Variants in RETREG1 observed in about 807,000 individuals in gnomAD.
The protein encoded by RETREG1 is family with sequence similarity 134 member B.
RETREG1 carries 44 observed loss-of-function variants against 54.8 expected under a neutral mutation model. That is an observed-to-expected ratio of 0.80 (90% CI 0.63 to 1.03). The LOEUF is 1.03. Ranked by LOEUF, RETREG1 falls within the 50% of genes least tolerant of loss-of-function variation. RETREG1 has a pLI of 0.00. For synonymous variants in RETREG1, 217 were observed against 238.5 expected (o/e 0.91, Z 0.83); for missense variants, 554 against 605.1 (o/e 0.92, Z 0.89).
intron 3 of RETREG1, among the ~76,000 whole-genome samples, chr5:16,546,818 G>A (rs1741401760): frequency 6.6e-6 from 1 of 152,094 alleles, no homozygotes; most frequent in Non-Finnish European, 1.5e-5. Context: ...ATGGCCTGAT[G>A]AACCAATGAA....
chr5:16,481,129 A>G (rs1485214426), intron 4 of RETREG1, 36 bp from the exon 5 acceptor site: 1 of 1,439,604 alleles, frequency 6.9e-7, no homozygotes, highest in Admixed American at 1.7e-5. Context: ...ATAGTTAAGC[A>G]TAACACCAAG....
At chr5:16,560,957 G>T (rs947165570) in intron 3 of RETREG1, among the ~76,000 whole-genome samples, 1 of 152,030 alleles carries the variant, frequency 6.6e-6, no homozygotes, top group Non-Finnish European at 1.5e-5. Flanking sequence ...TATCCCTTTG[G>T]TGTAAAAAGA....
At chr5:16,496,604 A>G (rs1739468445) in intron 3 of RETREG1, among the ~76,000 whole-genome samples, 1 of 152,202 alleles carries the variant, frequency 6.6e-6, no homozygotes, top group South Asian at 2.1e-4. Context: ...CCCAGCTGAA[A>G]CTCAGAATTC....
chr5:16,524,864 G>A (rs13169278), intron 3 of RETREG1, among the ~76,000 whole-genome samples: 4,127 of 109,206 alleles, frequency 0.038, 301 homozygotes, highest in Middle Eastern at 0.054. Flanking sequence ...GGATGTGCGC[G>A]GGGGACACCG....
At chr5:16,483,226 A>G in intron 4 of RETREG1, 120 bp downstream of exon 4, 1 of 1,166,660 alleles carries the variant, frequency 8.6e-7, no homozygotes, top group Non-Finnish European at 1.3e-6. Context: ...TTTATGGCAT[A>G]TGTTCTTAGT....
At chr5:16,530,824 T>C (rs957735221) in intron 3 of RETREG1, among the ~76,000 whole-genome samples, 2 of 151,150 alleles carry the variant, frequency 1.3e-5, no homozygotes, top group Non-Finnish European at 2.9e-5. Flanking sequence ...AGTGGCCCAC[T>C]GCACTCCAGC....
intron 3 of RETREG1, among the ~76,000 whole-genome samples, chr5:16,548,606 A>G (rs913301780): frequency 1.3e-5 from 2 of 152,206 alleles, no homozygotes; most frequent in Non-Finnish European, 2.9e-5. Flanking sequence ...AAGTACAACA[A>G]ATGAGGGAGT....
chr5:16,557,022 G>A lies in RETREG1; in HGVS notation c.458+8741C>T, dbSNP rs527489453. On this transcript the variant is annotated intron_variant, in intron 3 of 8. Coordinates refer to ENST00000306320, the MANE Select transcript of RETREG1 (RefSeq NM_001034850.3). The stretch of plus-strand genomic sequence containing the variant: ...TTTTTGTGTTTTTAGTAGAGACAGG[G>A]TTTCACCATGTTGCCTAGGCTGGTC... 2.0e-5 allele frequency among the ~76,000 whole-genome samples: 3 copies of A among 152,270 alleles called. No individual in the cohort carries two copies. In the East Asian group the frequency reaches 5.8e-4, roughly 29 times the overall value.
intron 3 of RETREG1, among the ~76,000 whole-genome samples, chr5:16,536,261 C>A (rs1741070045): frequency 1.3e-5 from 2 of 152,172 alleles, no homozygotes; most frequent in Admixed American, 6.6e-5. Context: ...CCAGCTTTTA[C>A]AAAGAAAGAA....
rs966042593 is a variant in RETREG1, at chr5:16,590,345, G to A, written c.321-18243C>T. 3.3e-5 allele frequency among the ~76,000 whole-genome samples: 5 copies of A among 152,304 alleles called. No individual in the cohort carries two copies. In the East Asian group the frequency reaches 7.7e-4, roughly 24 times the overall value. On this transcript the variant is annotated intron_variant, in intron 1 of 8. Transcript: ENST00000306320. ...AAGCCCAGAGGCTACGCACCTGTACGGCCAGGTTTCCTGGAATTCACAGAA... is the reference window on the plus strand; with the variant it reads ...AAGCCCAGAGGCTACGCACCTGTACAGCCAGGTTTCCTGGAATTCACAGAA...
intron 1 of RETREG1, among the ~76,000 whole-genome samples, chr5:16,589,011 G>A (rs1236912649): frequency 1.3e-5 from 2 of 152,174 alleles, no homozygotes; most frequent in African/African-American, 4.8e-5. Flanking sequence ...AAGCTGACCC[G>A]GGTCACTCCG....
chr5:16,535,117 AACC>A (rs1415834260), intron 3 of RETREG1, among the ~76,000 whole-genome samples: 1 of 152,266 alleles, frequency 6.6e-6, no homozygotes, highest in Non-Finnish European at 1.5e-5. Flanking sequence ...TTAGATTTCA[AACC>A]AGAATGCTTA....
intron 3 of RETREG1, among the ~76,000 whole-genome samples, chr5:16,528,598 C>G (rs1353734140): frequency 2.6e-5 from 4 of 152,120 alleles, no homozygotes; most frequent in African/African-American, 9.7e-5. Flanking sequence ...TGAGACACAT[C>G]TGGAGACAAA....
In RETREG1 at chr5:16,567,445, C is replaced by T. The variant is rs139085187; in HGVS notation, c.428-1652G>A. Among the ~76,000 whole-genome samples, 203 of 152,264 alleles carry T rather than the reference C, an allele frequency of 1.3e-3. 1 individual carries two copies. The highest frequency in any genetic ancestry group is 0.012 in the East Asian group (64 of 5,178). ...GGAATGACAGAGAATGGTGAGTGCA[C>T]GAAGGACTGCAGTTCATGGGCCACA... On this transcript the variant is annotated intron_variant, in intron 2 of 8. Transcript: ENST00000306320.
chr5:16,556,453 C>T (rs781164814), intron 3 of RETREG1, among the ~76,000 whole-genome samples: 4 of 151,984 alleles, frequency 2.6e-5, no homozygotes, highest in Admixed American at 2.6e-4. Context: ...AGCTACCGAG[C>T]GAGGATGAAG....
intron 3 of RETREG1, among the ~76,000 whole-genome samples, chr5:16,528,492 C>T (rs1030827405): frequency 5.3e-5 from 8 of 152,196 alleles, no homozygotes; most frequent in Non-Finnish European, 7.4e-5. Context: ...CAGGAGTCAG[C>T]TCTGGATGAC....
intron 1 of RETREG1, among the ~76,000 whole-genome samples, chr5:16,579,104 C>A (rs1742416963): frequency 6.6e-6 from 1 of 152,348 alleles, no homozygotes; most frequent in South Asian, 2.1e-4. Context: ...TTACCCTTAA[C>A]CTTTGTCTCC....
chr5:16,609,965 C>A (rs546693679), intron 1 of RETREG1, among the ~76,000 whole-genome samples: 1 of 152,232 alleles, frequency 6.6e-6, no homozygotes, highest in South Asian at 2.1e-4. Context: ...TGGAGAAAAC[C>A]CAGATGCTTT....
At chr5:16,543,558 C>G (rs1741304808) in intron 3 of RETREG1, among the ~76,000 whole-genome samples, 1 of 151,992 alleles carries the variant, frequency 6.6e-6, no homozygotes, top group Non-Finnish European at 1.5e-5. Context: ...CGCCTGTAAT[C>G]CCAGCTACTT....
Sources: allele counts gnomAD v4.1 joint callset (sites outside exome capture counted in the v4.1 genomes callset), GRCh38; gene constraint gnomAD v4.1.1; transcripts MANE v1.5; gene names NCBI Gene and HGNC (gene_info 2026-07-23, HGNC 2026-07-21).